Variants in NR3C1 observed in about 807,000 individuals in gnomAD.
The protein encoded by NR3C1 is glucocorticoid receptor.
NR3C1 carries 14 observed loss-of-function variants against 74.0 expected under a neutral mutation model. That is an observed-to-expected ratio of 0.19 (90% CI 0.12 to 0.30). The LOEUF (loss-of-function observed/expected upper bound fraction) is 0.30, where lower values mean the gene tolerates loss of function less well. Ranked by LOEUF, NR3C1 falls within the 10% of genes least tolerant of loss-of-function variation. The probability of loss-of-function intolerance (pLI) is 1.00; values close to 1 mark genes in which losing one functional copy is unlikely to be tolerated. For synonymous variants in NR3C1, 308 were observed against 332.5 expected (o/e 0.93, Z 0.80); for missense variants, 695 against 909.8 (o/e 0.76, Z 3.04).
intron 3 of NR3C1, among the ~76,000 whole-genome samples, chr5:143,311,351 A>T (rs1404897878): frequency 6.6e-6 from 1 of 152,216 alleles, no homozygotes; most frequent in Non-Finnish European, 1.5e-5. Context: ...AAAATTCCAA[A>T]GTTTTGTTTA....
chr5:143,288,371 G>A (rs1001125855), intron 7 of NR3C1, among the ~76,000 whole-genome samples: 1 of 151,820 alleles, frequency 6.6e-6, no homozygotes, highest in Admixed American at 6.6e-5. Flanking sequence ...TGCCCACCTC[G>A]GCCTCCCAAC....
In NR3C1 at chr5:143,370,808, G is replaced by C. The variant is rs560760787; in HGVS notation, c.1184+28848C>G. On this transcript the variant is annotated intron_variant, in intron 2 of 8. Transcript: ENST00000394464. ...TCAATCAAATAGCAACTGAGGAAAA[G>C]AAAGTTTAAAGGAAGAGAAATTAGG... Among the ~76,000 whole-genome samples the C allele has an allele frequency of 7.2e-5, 11 of 152,296 alleles. No homozygotes were observed. The South Asian group carries it at 2.1e-3, about 29-fold the overall frequency.
Position 143,420,747 on chromosome 5 carries a change from G to A in NR3C1, c.-14+13785C>T, listed in dbSNP as rs191322610. Among the ~76,000 whole-genome samples the A allele has an allele frequency of 3.6e-3, 551 of 152,146 alleles. 5 individuals are homozygous for A. Among genetic ancestry groups the A allele is most frequent in the Non-Finnish European group, 3.2e-3 (219 of 67,992 alleles). On this transcript the variant is annotated intron_variant, in intron 1 of 8. Transcript: ENST00000343796. ...CCCGGCCCAAAATGTCAATAGTGCC[G>A]AGGCTGAGAAACCCTGCCCTAGATG...
chr5:143,405,338 C>G (rs985975441), upstream of NR3C1: 38 of 985,522 alleles, frequency 3.9e-5, no homozygotes, highest in Admixed American at 6.1e-5. Flanking sequence ...TCTCACCTCC[C>G]GCCGCGCTCA....
intron 4 of NR3C1, among the ~76,000 whole-genome samples, chr5:143,303,360 C>G (rs932342230): frequency 6.6e-6 from 1 of 151,920 alleles, no homozygotes; most frequent in African/African-American, 2.4e-5. Context: ...AACACACAAC[C>G]TGCCTAGATT....
chr5:143,320,217 AG>A (rs1485440770), intron 2 of NR3C1, among the ~76,000 whole-genome samples: 3 of 152,344 alleles, frequency 2.0e-5, no homozygotes, highest in South Asian at 2.1e-4. Context: ...AAAATGCTTT[AG>A]GGGAAACCTT....
chr5:143,341,029 T>C (rs1037026298), intron 2 of NR3C1, among the ~76,000 whole-genome samples: 1 of 152,278 alleles, frequency 6.6e-6, no homozygotes, highest in South Asian at 2.1e-4. Flanking sequence ...GCTCAGCCAA[T>C]AAAACTGAAT....
chr5:143,307,879 C>G (rs1360747108), intron 4 of NR3C1, among the ~76,000 whole-genome samples: 1 of 152,064 alleles, frequency 6.6e-6, no homozygotes, highest in Non-Finnish European at 1.5e-5. Context: ...AATAAACTAC[C>G]CTTGTGGAAC....
At chr5:143,283,470 C>T (rs1160138086) in intron 7 of NR3C1, among the ~76,000 whole-genome samples, 2 of 152,204 alleles carry the variant, frequency 1.3e-5, no homozygotes, top group Non-Finnish European at 2.9e-5. Context: ...CCATTCTGCA[C>T]TTGAGTTTAA....
At chr5:143,304,375 G>A (rs916736555) in intron 4 of NR3C1, among the ~76,000 whole-genome samples, 3 of 151,982 alleles carry the variant, frequency 2.0e-5, no homozygotes, top group South Asian at 2.1e-4. Flanking sequence ...TTTTTACAAG[G>A]AGAACTACAA....
chr5:143,431,657 G>GTAAAA lies in NR3C1; in HGVS notation c.-14+2870_-14+2874dup, dbSNP rs199971249. 1.9e-3 allele frequency among the ~76,000 whole-genome samples: 283 copies of GTAAAA among 152,140 alleles called. 2 individuals carry two copies. Among genetic ancestry groups the GTAAAA allele is most frequent in the African/African-American group, 6.4e-3 (265 of 41,482 alleles). ...CTGCACATGTATCCCAGAACTTAAA[G>GTAAAA]TAAAATAAAATAAAATAAAATAGAA... On this transcript the variant is annotated intron_variant, in intron 1 of 8. Transcript: ENST00000343796.
At chr5:143,363,011 CT>C (rs1561673946) in intron 2 of NR3C1, among the ~76,000 whole-genome samples, 1 of 152,150 alleles carries the variant, frequency 6.6e-6, no homozygotes, top group Admixed American at 6.5e-5. Flanking sequence ...CTCTCACCAC[CT>C]GTTGACCTTA....
rs1483914799 is a variant in NR3C1 at position 143,362,610 on chromosome 5, C to G, written c.1184+37046G>C. ...TCTCCTGACCTTGTGATCCACCTGC[C>G]TCAGCCTCCCAAAGTGCCGGGATTA... is the stretch of plus-strand genomic sequence containing the variant. On this transcript the variant is annotated intron_variant, in intron 2 of 8. Transcript: ENST00000394464. Among the ~76,000 whole-genome samples, 3 of 152,206 alleles carry G rather than the reference C, an allele frequency of 2.0e-5. No individual in the cohort carries two copies. In the East Asian group the frequency reaches 5.8e-4, roughly 29 times the overall value.
At chr5:143,306,295 T>C (rs1188227009) in intron 4 of NR3C1, among the ~76,000 whole-genome samples, 1 of 152,158 alleles carries the variant, frequency 6.6e-6, no homozygotes, top group Non-Finnish European at 1.5e-5. Flanking sequence ...ATTCTGGGGC[T>C]ATCATCGAAA....
intron 1 of NR3C1, among the ~76,000 whole-genome samples, chr5:143,415,974 ATTGATACAGTT>A (rs1249491082): frequency 2.0e-5 from 3 of 152,178 alleles, no homozygotes; most frequent in African/African-American, 7.2e-5. Flanking sequence ...ATGTTTTGCT[ATTGATACAGTT>A]TTGCTGAATC....
At chr5:143,416,925 G>A (rs780152819) in intron 1 of NR3C1, among the ~76,000 whole-genome samples, 2 of 151,998 alleles carry the variant, frequency 1.3e-5, no homozygotes, top group African/African-American at 4.8e-5. Context: ...ACCTATTCTG[G>A]TTACATCTGC....
At chr5:143,359,826 G>A (rs1831898410) in intron 2 of NR3C1, among the ~76,000 whole-genome samples, 1 of 152,168 alleles carries the variant, frequency 6.6e-6, no homozygotes, top group Non-Finnish European at 1.5e-5. Flanking sequence ...GCTGAGGCAG[G>A]AGAATCACTT....
chr5:143,425,866 A>C (rs751093653), intron 1 of NR3C1, among the ~76,000 whole-genome samples: 2 of 152,122 alleles, frequency 1.3e-5, no homozygotes, highest in Non-Finnish European at 2.9e-5. Context: ...CAGCAATTCA[A>C]CTCCTAGGAA....
intron 2 of NR3C1, among the ~76,000 whole-genome samples, chr5:143,392,816 A>G (rs1838508837): frequency 1.3e-5 from 2 of 152,296 alleles, no homozygotes; most frequent in Middle Eastern, 3.4e-3. Context: ...GTCAAAAGTA[A>G]CTCTTATAAA....
Sources: allele counts gnomAD v4.1 joint callset (sites outside exome capture counted in the v4.1 genomes callset), GRCh38; gene constraint gnomAD v4.1.1; transcripts MANE v1.5; gene names NCBI Gene and HGNC (gene_info 2026-07-23, HGNC 2026-07-21).